The following SNTG2 variants were observed in gnomAD, a reference collection of about 807,000 sequenced individuals.
SNTG2 encodes the protein syntrophin gamma 2, also known as gamma-2-syntrophin.
In SNTG2, 74 loss-of-function variants were observed where a neutral mutation model predicts 70.9. The observed-to-expected ratio is 1.04, with a 90% CI of 0.86 to 1.27. The LOEUF is 1.27. Among genes scored for constraint, SNTG2 ranks in the 50% most tolerant of loss-of-function variants. The pLI is 0.00. For synonymous variants in SNTG2, 278 were observed against 273.8 expected (o/e 1.02, Z -0.15); for missense variants, 717 against 690.7 (o/e 1.04, Z -0.43).
chr2:1,067,939 G>T (rs1054449463), intron 1 of SNTG2, among the ~76,000 whole-genome samples: 1 of 152,128 alleles, frequency 6.6e-6, no homozygotes, highest in Non-Finnish European at 1.5e-5. Flanking sequence ...CCCGGACCTC[G>T]GGAGTGGGGC....
chr2:1,324,386 A>T (rs1245941980), intron 16 of SNTG2, among the ~76,000 whole-genome samples: 2 of 152,344 alleles, frequency 1.3e-5, no homozygotes, highest in African/African-American at 4.8e-5. Context: ...CATAACATTG[A>T]TAATTTGAAG....
Position 951,048 on chromosome 2 carries a change from T to C in SNTG2, c.52T>C (p.Cys18Arg). 1 of 1,273,324 alleles carries C rather than the reference T, an allele frequency of 7.9e-7. No individual in the cohort carries two copies. The highest frequency in any genetic ancestry group is 3.8e-5 in the Admixed American group (1 of 26,118). 78.9% of individuals were successfully genotyped at this position (1,273,324 alleles called of 1,614,324 possible). A position where few individuals can be genotyped will look rare whatever the true frequency, so the allele number is the denominator to read the frequency against. The change falls in exon 1 of 17, where the codon TGC becomes CGC. Residue 18 changes from cysteine (C) to arginine (R), a missense_variant. Transcript: ENST00000308624. ...PPAASRGRQG[C>R]LLVPARTKTT... ...GGCCGCCTCCCGCGGACGCCAGGGC[T>C]GCCTGCTGGTACCTGCGCGGGTGAG...
chr2:991,415 C>T (rs1661488901), intron 1 of SNTG2, among the ~76,000 whole-genome samples: 1 of 101,852 alleles, frequency 9.8e-6, no homozygotes, highest in South Asian at 3.0e-4. Flanking sequence ...ACAATTATGA[C>T]TTTAATTCTA....
At chr2:1,217,527 C>T (rs760910397) in intron 9 of SNTG2, among the ~76,000 whole-genome samples, 1 of 152,178 alleles carries the variant, frequency 6.6e-6, no homozygotes, top group African/African-American at 2.4e-5. Context: ...GGCTTTCCCT[C>T]AAGTTCTCCA....
At chr2:1,238,857 A>C (rs1029053377) in intron 10 of SNTG2, among the ~76,000 whole-genome samples, 1 of 152,190 alleles carries the variant, frequency 6.6e-6, no homozygotes, top group African/African-American at 2.4e-5. Context: ...GCGGCCCTGC[A>C]GATGCACCCG....
intron 1 of SNTG2, among the ~76,000 whole-genome samples, chr2:983,123 AGTG>A (rs1390916813): frequency 6.9e-6 from 1 of 144,196 alleles, no homozygotes; most frequent in Non-Finnish European, 1.5e-5. Flanking sequence ...AAGTTGTGGA[AGTG>A]GTGGTCAGGA....
chr2:1,076,623 T>G (rs1174086955), intron 1 of SNTG2, among the ~76,000 whole-genome samples: 1 of 152,224 alleles, frequency 6.6e-6, no homozygotes, highest in Non-Finnish European at 1.5e-5. Context: ...TGTGCTATGC[T>G]TCCAACAAAG....
intron 16 of SNTG2, among the ~76,000 whole-genome samples, chr2:1,339,009 C>T (rs1434466690): frequency 6.6e-6 from 1 of 152,198 alleles, no homozygotes; most frequent in African/African-American, 2.4e-5. Context: ...TCTCCGCATC[C>T]TCATCAATGT....
intron 1 of SNTG2, among the ~76,000 whole-genome samples, chr2:1,060,217 G>T (rs1662722493): frequency 6.6e-6 from 1 of 152,132 alleles, no homozygotes; most frequent in Non-Finnish European, 1.5e-5. Context: ...ATTAAAGGAA[G>T]TAAAAAGTTA....
At chr2:1,224,188 G>T (rs1390793111) in intron 9 of SNTG2, among the ~76,000 whole-genome samples, 1 of 152,166 alleles carries the variant, frequency 6.6e-6, no homozygotes, top group Non-Finnish European at 1.5e-5. Context: ...CGACTGCCTC[G>T]GGGGCTAGGA....
intron 13 of SNTG2, among the ~76,000 whole-genome samples, chr2:1,264,852 T>G (rs1217128851): frequency 1.3e-5 from 2 of 152,218 alleles, no homozygotes; most frequent in East Asian, 3.8e-4. Context: ...TAAGCCACTG[T>G]GCCTGAATTC....
rs899697795 is a variant in SNTG2 at position 1,246,842 on chromosome 2, A to T, written c.889-485A>T. Among the ~76,000 whole-genome samples, 24 of 152,330 alleles carry T rather than the reference A, an allele frequency of 1.6e-4. No homozygotes were observed. The East Asian group carries it at 4.4e-3, about 28-fold the overall frequency. ...ATACGGCTCAAAATATTCACTGCTCATTGTAAGAATCTAATATTTTACATT... is the reference window on the plus strand; with the variant it reads ...ATACGGCTCAAAATATTCACTGCTCTTTGTAAGAATCTAATATTTTACATT... On this transcript the variant is annotated intron_variant, in intron 11 of 16. Coordinates refer to ENST00000308624, the MANE Select transcript of SNTG2 (RefSeq NM_018968.4).
At chr2:1,194,025 T>G (rs1237011940) in intron 8 of SNTG2, among the ~76,000 whole-genome samples, 2 of 152,240 alleles carry the variant, frequency 1.3e-5, no homozygotes, top group Non-Finnish European at 2.9e-5. Flanking sequence ...AGTGGGCAGA[T>G]GAGGTATGCA....
chr2:1,331,906 C>T (rs914396989), intron 16 of SNTG2, among the ~76,000 whole-genome samples: 7 of 152,294 alleles, frequency 4.6e-5, no homozygotes, highest in East Asian at 1.9e-4. Flanking sequence ...TGCCCTGGCG[C>T]GGTTTCCAGC....
chr2:1,118,610 A>T (rs113092993), intron 4 of SNTG2, among the ~76,000 whole-genome samples: 50 of 152,276 alleles, frequency 3.3e-4, no homozygotes, highest in African/African-American at 1.1e-3. Context: ...ACTCAATGAA[A>T]TCATAAAAAA....
Position 1,238,150 on chromosome 2 carries a change from T to A in SNTG2, c.849+133T>A, listed in dbSNP as rs1676806979. On this transcript the variant is annotated intron_variant, in intron 10 of 16. Transcript: ENST00000308624. ...TGTACTTGTTTCAATGTGTCAAATC[T>A]ATGTCTAAAAACATTAAAAATGAAG... The A allele has an allele frequency of 6.6e-6, 8 of 1,213,424 alleles. No individual in the cohort carries two copies. The South Asian group carries it at 1.1e-4, about 17-fold the overall frequency. The allele number at this position is 1,213,424 out of a possible 1,614,324, so 75.2% of individuals were successfully genotyped here.
chr2:1,303,131 T>A (rs1680529471), intron 14 of SNTG2, among the ~76,000 whole-genome samples: 1 of 152,154 alleles, frequency 6.6e-6, no homozygotes, highest in Admixed American at 6.5e-5. Flanking sequence ...AACAGTACCA[T>A]CAACTAAAAG....
chr2:1,169,353 G>A (rs1670970047), intron 7 of SNTG2, among the ~76,000 whole-genome samples: 1 of 152,104 alleles, frequency 6.6e-6, no homozygotes, highest in South Asian at 2.1e-4. Context: ...TTCTCTCTCA[G>A]GCAAGGTGAC....
intron 6 of SNTG2, among the ~76,000 whole-genome samples, chr2:1,149,301 G>C (rs565736536): frequency 1.0e-3 from 157 of 152,188 alleles, no homozygotes; most frequent in African/African-American, 3.6e-3. Context: ...TTGCAGCTCT[G>C]GGAATTGCCC....
Sources: allele counts gnomAD v4.1 joint callset (sites outside exome capture counted in the v4.1 genomes callset), GRCh38; gene constraint gnomAD v4.1.1; transcripts MANE v1.5; gene names NCBI Gene and HGNC (gene_info 2026-07-23, HGNC 2026-07-21).